UGT1A8: variants seen among roughly 807,000 people sequenced by gnomAD.
UGT1A8 encodes the protein UDP-glucuronosyltransferase 1A8.
UGT1A8 carries 39 observed loss-of-function variants against 45.3 expected under a neutral mutation model. The ratio of observed to expected loss-of-function variants is 0.86; its 90% CI spans 0.67 to 1.12. The LOEUF (loss-of-function observed/expected upper bound fraction) is 1.12, where lower values mean the gene tolerates loss of function less well. Ranked by LOEUF, UGT1A8 falls within the 50% of genes most tolerant of loss-of-function variation. The pLI is 0.00. For synonymous variants in UGT1A8, 275 were observed against 249.2 expected (o/e 1.10, Z -0.97); for missense variants, 719 against 664.9 (o/e 1.08, Z -0.90).
At chr2:233,742,932 T>A in intron 1 of UGT1A8, 1 of 195,120 alleles carries the variant, frequency 5.1e-6, no homozygotes. Flanking sequence ...CTGAACATTC[T>A]GTCCTACCAC....
At chr2:233,695,433 TTC>T (rs979728696) in intron 1 of UGT1A8, among the ~76,000 whole-genome samples, 4 of 150,934 alleles carry the variant, frequency 2.7e-5, no homozygotes, top group East Asian at 1.9e-4. Flanking sequence ...CTTCTTCTTC[TTC>T]TTTTTTTTTT....
chr2:233,694,895 A>G (rs2075247142), intron 1 of UGT1A8, among the ~76,000 whole-genome samples: 1 of 152,246 alleles, frequency 6.6e-6, no homozygotes, highest in Non-Finnish European at 1.5e-5. Flanking sequence ...TTCATGTGAT[A>G]TTTTGATACA....
At chr2:233,652,361 T>C (rs1474509008) in intron 1 of UGT1A8, among the ~76,000 whole-genome samples, 1 of 152,260 alleles carries the variant, frequency 6.6e-6, no homozygotes, top group East Asian at 1.9e-4. Context: ...TAATTTTCAA[T>C]ATTTTATTAT....
chr2:233,754,489 A>T, intron 1 of UGT1A8: 1 of 357,276 alleles, frequency 2.8e-6, no homozygotes. Context: ...TTTCAATCCT[A>T]AAAAAAGTCC....
chr2:233,729,944 T>C, intron 1 of UGT1A8: 6 of 1,614,066 alleles, frequency 3.7e-6, no homozygotes, highest in Non-Finnish European at 5.1e-6. Flanking sequence ...ATGCCCAACA[T>C]GGTCTTCATT....
At chr2:233,642,597 G>C (rs376332610) in intron 1 of UGT1A8, among the ~76,000 whole-genome samples, 3 of 152,292 alleles carry the variant, frequency 2.0e-5, no homozygotes, top group South Asian at 2.1e-4. Flanking sequence ...CAGTGTCTGG[G>C]CATTGAAGAG....
At chr2:233,693,087 A>G in intron 1 of UGT1A8, 1 of 1,614,160 alleles carries the variant, frequency 6.2e-7, no homozygotes, top group South Asian at 1.1e-5. Flanking sequence ...GTAGGTGACA[A>G]GCTGCTGGTG....
chr2:233,700,547 G>A (rs949945687), intron 1 of UGT1A8, among the ~76,000 whole-genome samples: 1 of 152,060 alleles, frequency 6.6e-6, no homozygotes. Context: ...ATGAGAATAA[G>A]GGGTTATAAA....
At chr2:233,729,260 G>A (rs774974731) in intron 1 of UGT1A8, 12 of 1,613,974 alleles carry the variant, frequency 7.4e-6, no homozygotes, top group East Asian at 4.5e-5. Context: ...CTCAGCATGC[G>A]GGAGGTCTTG....
At chr2:233,760,733 T>G in intron 1 of UGT1A8, 1 of 1,614,214 alleles carries the variant, frequency 6.2e-7, no homozygotes, top group South Asian at 1.1e-5. Context: ...GATGTCATGC[T>G]GACGGACCCT....
intron 1 of UGT1A8, among the ~76,000 whole-genome samples, chr2:233,734,811 T>G: frequency 6.6e-6 from 1 of 152,238 alleles, no homozygotes; most frequent in East Asian, 1.9e-4. Context: ...AGTTTCCATG[T>G]AGTTGTGCGA....
At position 233,767,859 on chromosome 2, in the gene UGT1A8, G is replaced by A. The variant is rs750453538; in HGVS notation, c.998G>A (p.Arg333Gln). ...LGKIPQTVLW[R>Q]YTGTRPSNLA... The stretch of plus-strand genomic sequence containing the variant: ...TTTTGCCCCTCCCAGGTCCTGTGGC[G>A]GTACACTGGAACCCGACCATCGAAT... The change falls in exon 3 of 5, where the codon CGG becomes CAG. Residue 333 changes from arginine to glutamine, a missense_variant. Arg to Gln is a conservative substitution (Grantham distance 43). Transcript: ENST00000373450. 15 of 1,613,938 alleles carry A rather than the reference G, an allele frequency of 9.3e-6. No homozygotes were observed. The highest frequency in any genetic ancestry group is 5.3e-5 in the African/African-American group (4 of 74,850).
At chr2:233,652,580 T>A (rs2073766369) in intron 1 of UGT1A8, among the ~76,000 whole-genome samples, 1 of 152,216 alleles carries the variant, frequency 6.6e-6, no homozygotes, top group East Asian at 1.9e-4. Context: ...TCACTCATAA[T>A]GCATAATGAA....
chr2:233,713,998 T>C, intron 1 of UGT1A8: 4 of 1,554,968 alleles, frequency 2.6e-6, no homozygotes, highest in Non-Finnish European at 3.5e-6. Context: ...TAGTCTTCAG[T>C]GAGATAAACT....
At chr2:233,754,114 G>A (rs1442882252) in intron 1 of UGT1A8, among the ~76,000 whole-genome samples, 1 of 152,128 alleles carries the variant, frequency 6.6e-6, no homozygotes, top group Non-Finnish European at 1.5e-5. Flanking sequence ...CCTACATCAC[G>A]AGCATTTATG....
chr2:233,721,185 A>G (rs759923829), intron 1 of UGT1A8, among the ~76,000 whole-genome samples: 2 of 152,206 alleles, frequency 1.3e-5, no homozygotes, highest in Non-Finnish European at 2.9e-5. Flanking sequence ...TCAAACCACA[A>G]GATATTTGTT....
chr2:233,692,893 G>A (rs2075118799), intron 1 of UGT1A8: 3 of 1,527,424 alleles, frequency 2.0e-6, no homozygotes, highest in East Asian at 4.5e-5. Context: ...GCAAGGGAGA[G>A]GTAGACAGGA....
intron 1 of UGT1A8, among the ~76,000 whole-genome samples, chr2:233,678,950 A>G (rs976044976): frequency 2.0e-5 from 3 of 152,216 alleles, no homozygotes; most frequent in Non-Finnish European, 2.9e-5. Flanking sequence ...TCCAGAAGAA[A>G]TGTACTGTTT....
At chr2:233,724,187 G>C (rs1459882110) in intron 1 of UGT1A8, among the ~76,000 whole-genome samples, 1 of 123,412 alleles carries the variant, frequency 8.1e-6, no homozygotes, top group East Asian at 2.3e-4. Flanking sequence ...CCTCCCGGAC[G>C]GGGTGGCTGG....
Sources: gnomAD v4.1 joint callset for allele counts (sites outside exome capture counted in the v4.1 genomes callset) on GRCh38, gnomAD v4.1.1 for gene constraint, MANE v1.5 for transcripts, NCBI Gene and HGNC (gene_info 2026-07-23, HGNC 2026-07-21) for gene names.